RPH3A: variants seen among roughly 807,000 people sequenced by gnomAD.
RPH3A encodes the protein rabphilin 3A.
A neutral mutation model predicts 102.2 loss-of-function variants in RPH3A; 48 were observed. The observed-to-expected ratio is 0.47, with a 90% CI of 0.37 to 0.60. The LOEUF is 0.60. RPH3A is among the 20% of genes least tolerant of loss of function. The pLI, the probability that RPH3A is intolerant of heterozygous loss-of-function variation, is 0.00. For missense variants in RPH3A, 781 were observed against 910.1 expected (o/e 0.86, Z 1.83); for synonymous variants, 310 against 324.3 (o/e 0.96, Z 0.47).
rs1227019912 is a variant in RPH3A at position 112,866,632 on chromosome 12, G to A, written c.361-125G>A. The stretch of plus-strand genomic sequence containing the variant: ...ATTCTAACTGGCCTTGCTCATAGAA[G>A]GAAGTGGGAGAAATGGAAGCAAGTT... On this transcript the variant is annotated intron_variant, in intron 6 of 21. Coordinates refer to ENST00000389385, the MANE Select transcript of RPH3A (RefSeq NM_001143854.2). The A allele has an allele frequency of 4.2e-6, 3 of 710,584 alleles. No individual in the cohort carries two copies. In the African/African-American group the frequency reaches 5.4e-5, roughly 13 times the overall value. 44.0% of individuals were successfully genotyped at this position (710,584 alleles called of 1,614,324 possible). A position where few individuals can be genotyped will look rare whatever the true frequency, so the allele number is the denominator to read the frequency against.
At chr12:112,649,162 T>C (rs953538529) in intron 1 of RPH3A, among the ~76,000 whole-genome samples, 2 of 152,254 alleles carry the variant, frequency 1.3e-5, no homozygotes, top group Non-Finnish European at 2.9e-5. Context: ...GGTTCTTTGA[T>C]GTAGAATAGA....
intron 4 of RPH3A, among the ~76,000 whole-genome samples, chr12:112,840,539 C>T (rs774871540): frequency 2.6e-5 from 4 of 152,138 alleles, no homozygotes; most frequent in South Asian, 4.2e-4. Flanking sequence ...CCCAAATTTC[C>T]GCAAAAGGCC....
intron 2 of RPH3A, among the ~76,000 whole-genome samples, chr12:112,801,935 C>A (rs1012842804): frequency 6.6e-6 from 1 of 152,170 alleles, no homozygotes; most frequent in Non-Finnish European, 1.5e-5. Flanking sequence ...TTTTTAAGAT[C>A]CATCCACGTT....
chr12:112,789,539 A>C (rs2041074771), upstream of RPH3A, among the ~76,000 whole-genome samples: 4 of 152,122 alleles, frequency 2.6e-5, no homozygotes, highest in Admixed American at 2.6e-4. Context: ...TTATTTCTTG[A>C]GTCTAAGTTT....
chr12:112,710,642 A>G (rs960991919), intron 1 of RPH3A, among the ~76,000 whole-genome samples: 7 of 152,232 alleles, frequency 4.6e-5, no homozygotes, highest in Admixed American at 2.0e-4. Flanking sequence ...CAAATGAGGC[A>G]GTTTTGCCTG....
intron 3 of RPH3A, chr12:112,831,874 T>C: frequency 2.2e-6 from 1 of 455,724 alleles, no homozygotes; most frequent in South Asian, 1.5e-5. Context: ...CTTTTTGATG[T>C]TCTGTAGTAT....
chr12:112,698,194 G>T (rs892511856), intron 1 of RPH3A, among the ~76,000 whole-genome samples: 1 of 152,098 alleles, frequency 6.6e-6, no homozygotes, highest in Non-Finnish European at 1.5e-5. Flanking sequence ...TAGGACAATT[G>T]GATATCCACG....
At position 112,866,843 on chromosome 12, in the gene RPH3A, G is replaced by A. The variant is rs2042619489; in HGVS notation, c.444+3G>A. 2 of 1,605,130 alleles carry A rather than the reference G, an allele frequency of 1.2e-6. No individual in the cohort carries two copies. Among genetic ancestry groups the A allele is most frequent in the Admixed American group, 1.7e-5 (1 of 59,596 alleles). ...AAATCTGCATTGAGCAGAGGGAGGT[G>A]AGTGCCCTGGTCCCACCTGGTGCCT... On this transcript the variant is annotated splice_donor_region_variant and intron_variant, in intron 7 of 21. Transcript: ENST00000389385.
chr12:112,607,975 T>C (rs1439625469), intron 1 of RPH3A, among the ~76,000 whole-genome samples: 1 of 152,218 alleles, frequency 6.6e-6, no homozygotes, highest in Non-Finnish European at 1.5e-5. Flanking sequence ...GCCTAGTACC[T>C]GGTCTTAACT....
chr12:112,817,474 C>G (rs978274515), intron 2 of RPH3A, among the ~76,000 whole-genome samples: 1 of 149,142 alleles, frequency 6.7e-6, no homozygotes, highest in African/African-American at 2.5e-5. Flanking sequence ...CAGGCAGAAC[C>G]AATCCCACAG....
At chr12:112,867,339 T>A (rs1457788172) in intron 7 of RPH3A, among the ~76,000 whole-genome samples, 2 of 152,190 alleles carry the variant, frequency 1.3e-5, no homozygotes, top group African/African-American at 4.8e-5. Flanking sequence ...TCCTGCTTCT[T>A]ACTCATCTTA....
chr12:112,803,868 G>A (rs1480908159), intron 2 of RPH3A, among the ~76,000 whole-genome samples: 1 of 151,956 alleles, frequency 6.6e-6, no homozygotes, highest in African/African-American at 2.4e-5. Flanking sequence ...TGTGACCCTG[G>A]GCAAGTTACT....
intron 1 of RPH3A, among the ~76,000 whole-genome samples, chr12:112,681,668 G>A (rs571822604): frequency 6.6e-6 from 1 of 151,910 alleles, no homozygotes; most frequent in Non-Finnish European, 1.5e-5. Context: ...TTTGAGGGGG[G>A]GCTTAAAGTG....
intron 5 of RPH3A, among the ~76,000 whole-genome samples, chr12:112,852,679 G>A (rs1026228675): frequency 7.2e-5 from 11 of 152,228 alleles, no homozygotes; most frequent in East Asian, 1.9e-4. Flanking sequence ...CTAGACACAC[G>A]TGGCTGCTGA....
chr12:112,879,165 C>G lies in RPH3A; in HGVS notation c.1218C>G (p.Asn406Lys). 6.2e-7 allele frequency: 1 copy of G among 1,614,124 alleles called. No individual in the cohort carries two copies. The highest frequency in any genetic ancestry group is 1.3e-5 in the African/African-American group (1 of 75,062). The change falls in exon 14 of 22, where the codon AAC becomes AAG. Residue 406 changes from asparagine (N) to lysine (K), a missense_variant. Around this residue, in one of 2 missense-constraint regions of RPH3A, gnomAD observed 730 missense variants for 810.0 expected, o/e 0.90. Transcript: ENST00000389385. ...TCAGCCTTCTCTACGACCAGGACAA[C>G]AGCTCCCTGCAGTGCACCATCATTA... is the stretch of plus-strand genomic sequence containing the variant. The part of the protein sequence containing the change: ...LEFSLLYDQD[N>K]SSLQCTIIKA...
intron 1 of RPH3A, among the ~76,000 whole-genome samples, chr12:112,776,873 C>CAAAAAAAAAAAAAAAAAAAAAAA (rs548377186): frequency 1.4e-5 from 1 of 73,910 alleles, no homozygotes; most frequent in Non-Finnish European, 2.5e-5. Context: ...GACTCCATCT[C>CAAAAAAAAAAAAAAAAAAAAAAA]AAAAAAAAAA....
intron 1 of RPH3A, among the ~76,000 whole-genome samples, chr12:112,703,014 A>G (rs371230607): frequency 5.1e-4 from 78 of 152,304 alleles, no homozygotes; most frequent in African/African-American, 1.7e-3. Context: ...CAACAGAATG[A>G]CTAGGAAGCA....
At chr12:112,591,832 A>C (rs371172879) in intron 1 of RPH3A, among the ~76,000 whole-genome samples, 1 of 152,164 alleles carries the variant, frequency 6.6e-6, no homozygotes, top group Admixed American at 6.5e-5. Context: ...TGTCTGCTAC[A>C]TTCTGAAGTC....
chr12:112,802,091 T>C (rs1210585499), intron 2 of RPH3A, among the ~76,000 whole-genome samples: 1 of 152,212 alleles, frequency 6.6e-6, no homozygotes, highest in African/African-American at 2.4e-5. Context: ...GCTGGCCAGC[T>C]GGGATTCTTT....
Sources: gnomAD v4.1 joint callset for allele counts (sites outside exome capture counted in the v4.1 genomes callset) on GRCh38, gnomAD v4.1.1 for gene constraint, gnomAD v4.1.1 regional missense constraint, MANE v1.5 for transcripts, NCBI Gene and HGNC (gene_info 2026-07-23, HGNC 2026-07-21) for gene names.